Variants in MBD5 observed in about 807,000 individuals in gnomAD.
MBD5 encodes the protein methyl-CpG-binding domain protein 5.
A neutral mutation model predicts 117.3 loss-of-function variants in MBD5; 13 were observed. The observed-to-expected ratio is 0.11, with a 90% CI of 0.07 to 0.18. The LOEUF is 0.18. MBD5 is among the 10% of genes least tolerant of loss of function. The pLI, the probability that MBD5 is intolerant of heterozygous loss-of-function variation, is 1.00. For synonymous variants in MBD5, 727 were observed against 766.4 expected, an observed-to-expected ratio of 0.95 and a Z score of 0.85; for missense variants, 1,879 against 2,093.8, an observed-to-expected ratio of 0.90 and a Z score of 2.00.
At chr2:148,233,858 C>T (rs1457432283) in intron 3 of MBD5, among the ~76,000 whole-genome samples, 1 of 152,096 alleles carries the variant, frequency 6.6e-6, no homozygotes, top group African/African-American at 2.4e-5. Flanking sequence ...AACAACTAAT[C>T]TACAGTGCTC....
At chr2:148,203,244 C>T (rs1699187696) in intron 2 of MBD5, among the ~76,000 whole-genome samples, 1 of 151,988 alleles carries the variant, frequency 6.6e-6, no homozygotes, top group African/African-American at 2.4e-5. Flanking sequence ...ATATTTGGTA[C>T]ATGCAACAAA....
chr2:148,345,087 C>T (rs928488674), intron 4 of MBD5, among the ~76,000 whole-genome samples: 6 of 151,442 alleles, frequency 4.0e-5, no homozygotes, highest in Admixed American at 6.6e-5. Flanking sequence ...CTTAAGATAA[C>T]GTATGTCTTC....
At chr2:148,421,379 A>G (rs1291551356) in intron 4 of MBD5, among the ~76,000 whole-genome samples, 1 of 152,116 alleles carries the variant, frequency 6.6e-6, no homozygotes, top group East Asian at 1.9e-4. Flanking sequence ...GCCATGAGGA[A>G]CAGTGACTTC....
At chr2:148,210,113 A>C (rs1699382677) in intron 2 of MBD5, among the ~76,000 whole-genome samples, 8 of 152,196 alleles carry the variant, frequency 5.3e-5, no homozygotes. Flanking sequence ...ATACTTTTTG[A>C]TCACAGTATG....
intron 1 of MBD5, among the ~76,000 whole-genome samples, chr2:148,176,628 C>T (rs555753874): frequency 6.6e-5 from 10 of 151,984 alleles, no homozygotes; most frequent in Non-Finnish European, 1.2e-4. Context: ...AGGCTGGTCT[C>T]GAACTCCTGA....
At chr2:148,350,310 C>A (rs969643631) in intron 4 of MBD5, among the ~76,000 whole-genome samples, 3 of 151,970 alleles carry the variant, frequency 2.0e-5, no homozygotes, top group African/African-American at 7.2e-5. Context: ...TCATGTGCAC[C>A]ATTACATAGC....
chr2:148,172,001 C>T (rs1698274764), intron 1 of MBD5, among the ~76,000 whole-genome samples: 1 of 152,230 alleles, frequency 6.6e-6, no homozygotes, highest in Admixed American at 6.5e-5. Flanking sequence ...AGCAAGACCC[C>T]ATCTCTACAA....
At chr2:148,324,173 G>A (rs201128157) in intron 3 of MBD5, among the ~76,000 whole-genome samples, 1 of 152,026 alleles carries the variant, frequency 6.6e-6, no homozygotes, top group African/African-American at 2.4e-5. Context: ...CGTTATTTCT[G>A]AGGGCTCTGT....
At chr2:148,255,177 A>G (rs1032645192) in intron 3 of MBD5, among the ~76,000 whole-genome samples, 3 of 152,228 alleles carry the variant, frequency 2.0e-5, no homozygotes. Flanking sequence ...AAGGTAGATC[A>G]TGTCCCTCAG....
chr2:148,054,301 G>A (rs1694798811), intron 1 of MBD5: 2 of 152,172 alleles, frequency 1.3e-5, no homozygotes, highest in African/African-American at 4.8e-5. Flanking sequence ...GTAGCCACTA[G>A]CCATACATCA....
intron 5 of MBD5, among the ~76,000 whole-genome samples, chr2:148,462,287 T>C (rs1707113345): frequency 6.6e-6 from 1 of 152,208 alleles, no homozygotes; most frequent in African/African-American, 2.4e-5. Flanking sequence ...CCTGCTTCTG[T>C]CCTTTCTTAA....
At chr2:148,187,072 G>T (rs754150776) in intron 2 of MBD5, among the ~76,000 whole-genome samples, 1 of 152,026 alleles carries the variant, frequency 6.6e-6, no homozygotes, top group Non-Finnish European at 1.5e-5. Flanking sequence ...AAACTGAACC[G>T]CTGCTGGGTA....
chr2:148,149,339 T>C (rs1388767413), intron 1 of MBD5, among the ~76,000 whole-genome samples: 4 of 135,988 alleles, frequency 2.9e-5, no homozygotes, highest in Admixed American at 7.7e-5. Flanking sequence ...CAGTCTATCA[T>C]TGTTGGACAT....
intron 1 of MBD5, among the ~76,000 whole-genome samples, chr2:148,083,222 C>G (rs1289319720): frequency 6.6e-6 from 1 of 152,130 alleles, no homozygotes; most frequent in Non-Finnish European, 1.5e-5. Flanking sequence ...TTGCAAAAAT[C>G]AGGATATCAA....
At chr2:148,474,134 G>T (rs1217431078) in intron 8 of MBD5, among the ~76,000 whole-genome samples, 1 of 152,152 alleles carries the variant, frequency 6.6e-6, no homozygotes, top group African/African-American at 2.4e-5. Context: ...AAAGAGAGAT[G>T]CATTTCAGCA....
intron 13 of MBD5, among the ~76,000 whole-genome samples, chr2:148,511,557 A>G (rs1157973842): frequency 1.3e-5 from 2 of 152,260 alleles, no homozygotes; most frequent in Non-Finnish European, 2.9e-5. Context: ...ATATAAAACT[A>G]GAAGTCTAGA....
intron 10 of MBD5, among the ~76,000 whole-genome samples, chr2:148,489,000 T>C (rs1681428518): frequency 6.6e-6 from 1 of 152,248 alleles, no homozygotes; most frequent in Non-Finnish European, 1.5e-5. Flanking sequence ...TCTCCTTTGC[T>C]AATTTGATTA....
At chr2:148,182,163 A>G (rs887861164) in intron 2 of MBD5, among the ~76,000 whole-genome samples, 8 of 152,030 alleles carry the variant, frequency 5.3e-5, no homozygotes, top group African/African-American at 1.7e-4. Context: ...TACTTACAAA[A>G]TGTTTTTTAA....
chr2:148,254,853 G>A (rs192346311), intron 3 of MBD5, among the ~76,000 whole-genome samples: 6 of 152,226 alleles, frequency 3.9e-5, no homozygotes, highest in African/African-American at 1.4e-4. Flanking sequence ...GTTCCCCCAC[G>A]AGCCAGCCCC....
Sources: allele counts gnomAD v4.1 joint callset (sites outside exome capture counted in the v4.1 genomes callset), GRCh38; gene constraint gnomAD v4.1.1; transcripts MANE v1.5; gene names NCBI Gene and HGNC (gene_info 2026-07-23, HGNC 2026-07-21).